LHFPL3: variants seen among roughly 807,000 people sequenced by gnomAD.
The protein encoded by LHFPL3 is LHFPL tetraspan subfamily member 3 protein.
LHFPL3 carries 5 observed loss-of-function variants against 19.3 expected under a neutral mutation model. That is an observed-to-expected ratio of 0.26 (90% CI 0.14 to 0.54). LHFPL3 has a LOEUF of 0.54. Ranked by LOEUF, LHFPL3 falls within the 20% of genes least tolerant of loss-of-function variation. The pLI is 0.94. For synonymous variants in LHFPL3, 133 were observed against 126.2 expected (o/e 1.05, Z -0.36); for missense variants, 249 against 307.4 (o/e 0.81, Z 1.42).
At chr7:104,883,162 G>A (rs1233407161) in intron 2 of LHFPL3, among the ~76,000 whole-genome samples, 3 of 152,194 alleles carry the variant, frequency 2.0e-5, no homozygotes, top group Non-Finnish European at 2.9e-5. Context: ...AACTAAAAGA[G>A]TTTGGAGTTA....
intron 1 of LHFPL3, among the ~76,000 whole-genome samples, chr7:104,693,091 C>A (rs1457550342): frequency 6.6e-6 from 1 of 152,344 alleles, no homozygotes; most frequent in Non-Finnish European, 1.5e-5. Flanking sequence ...TCATTCGGAG[C>A]TTTAAGATTT....
At chr7:104,900,876 C>T (rs866023406) in intron 2 of LHFPL3, among the ~76,000 whole-genome samples, 1 of 152,202 alleles carries the variant, frequency 6.6e-6, no homozygotes, top group African/African-American at 2.4e-5. Flanking sequence ...TCTGACTGAA[C>T]AAAGATCCAA....
chr7:104,504,798 C>G (rs1793665238), intron 1 of LHFPL3, among the ~76,000 whole-genome samples: 2 of 152,152 alleles, frequency 1.3e-5, no homozygotes, highest in African/African-American at 2.4e-5. Flanking sequence ...ACTCAGGTTA[C>G]TATCTCTTTG....
chr7:104,614,661 T>TCTCCTC (rs1276426420), intron 1 of LHFPL3, among the ~76,000 whole-genome samples: 8 of 82,464 alleles, frequency 9.7e-5, no homozygotes, highest in African/African-American at 2.9e-4. Context: ...CTCTCCTTCC[T>TCTCCTC]TCCTTCCTTC....
chr7:104,388,790 G>A (rs558604023), intron 1 of LHFPL3, among the ~76,000 whole-genome samples: 2 of 151,884 alleles, frequency 1.3e-5, no homozygotes, highest in South Asian at 2.1e-4. Flanking sequence ...TACTTTCATA[G>A]ATGCAGGAAT....
At chr7:104,884,796 G>A (rs990539569) in intron 2 of LHFPL3, among the ~76,000 whole-genome samples, 2 of 152,138 alleles carry the variant, frequency 1.3e-5, no homozygotes, top group Non-Finnish European at 2.9e-5. Context: ...AGCTTCAAGG[G>A]GAGACTTTGT....
chr7:104,815,632 T>C (rs1790547915), intron 2 of LHFPL3, among the ~76,000 whole-genome samples: 2 of 152,216 alleles, frequency 1.3e-5, no homozygotes, highest in African/African-American at 4.8e-5. Context: ...GTTCCACCTT[T>C]TTCTCCTCCG....
chr7:104,841,922 GGA>G (rs144706932), intron 2 of LHFPL3, among the ~76,000 whole-genome samples: 2,360 of 152,138 alleles, frequency 0.016, 73 homozygotes, highest in African/African-American at 0.051. Context: ...GAAAGCAAAA[GGA>G]GAGATAAAAG....
intron 2 of LHFPL3, among the ~76,000 whole-genome samples, chr7:104,737,152 CT>C (rs5886330): frequency 0.95 from 143,053 of 150,940 alleles, 67,845 homozygotes; most frequent in East Asian, 0.99. Context: ...TATTTTGATG[CT>C]TTTTTTTTTC....
At chr7:104,490,108 T>C (rs1199994614) in intron 1 of LHFPL3, among the ~76,000 whole-genome samples, 1 of 152,214 alleles carries the variant, frequency 6.6e-6, no homozygotes, top group East Asian at 1.9e-4. Flanking sequence ...TTGCAGTTAA[T>C]TGAAAGCAAT....
intron 1 of LHFPL3, among the ~76,000 whole-genome samples, chr7:104,589,382 G>T (rs113795636): frequency 6.6e-6 from 1 of 152,158 alleles, no homozygotes; most frequent in Non-Finnish European, 1.5e-5. Context: ...TGTGGTTTTT[G>T]TCTTTGGCTC....
chr7:104,398,173 A>G (rs1483386317), intron 1 of LHFPL3, among the ~76,000 whole-genome samples: 1 of 152,034 alleles, frequency 6.6e-6, no homozygotes, highest in African/African-American at 2.4e-5. Context: ...GGCGTCTAGC[A>G]TGAACGGCAG....
At chr7:104,564,361 A>G (rs1190196066) in intron 1 of LHFPL3, among the ~76,000 whole-genome samples, 1 of 152,232 alleles carries the variant, frequency 6.6e-6, no homozygotes, top group East Asian at 1.9e-4. Flanking sequence ...ATTATAAAAT[A>G]TGCCACTAGG....
intron 1 of LHFPL3, among the ~76,000 whole-genome samples, chr7:104,525,501 C>T (rs1344282252): frequency 2.0e-5 from 3 of 152,124 alleles, no homozygotes; most frequent in Non-Finnish European, 4.4e-5. Flanking sequence ...TGAGGTAATT[C>T]ACAAGATTAA....
intron 2 of LHFPL3, among the ~76,000 whole-genome samples, chr7:104,818,949 C>T (rs972574314): frequency 1.3e-5 from 2 of 152,212 alleles, no homozygotes; most frequent in Admixed American, 6.5e-5. Context: ...TTTCTCTCCT[C>T]GTCTGTCTGT....
intron 1 of LHFPL3, among the ~76,000 whole-genome samples, chr7:104,349,948 A>G (rs1176079898): frequency 6.6e-6 from 1 of 152,200 alleles, no homozygotes; most frequent in Non-Finnish European, 1.5e-5. Flanking sequence ...TTTGCCCACG[A>G]TAGTGCCATT....
intron 1 of LHFPL3, among the ~76,000 whole-genome samples, chr7:104,697,756 T>C (rs1385561464): frequency 6.6e-6 from 1 of 152,232 alleles, no homozygotes; most frequent in African/African-American, 2.4e-5. Context: ...ATATTTATTA[T>C]CTTAAGTATA....
At chr7:104,653,009 G>A (rs1219605103) in intron 1 of LHFPL3, among the ~76,000 whole-genome samples, 1 of 151,188 alleles carries the variant, frequency 6.6e-6, no homozygotes, top group African/African-American at 2.4e-5. Flanking sequence ...CAGAGGCTGG[G>A]AGACAGGGCC....
chr7:104,570,281 C>T (rs1376492409), intron 1 of LHFPL3, among the ~76,000 whole-genome samples: 3 of 152,194 alleles, frequency 2.0e-5, no homozygotes, highest in Non-Finnish European at 2.9e-5. Context: ...GCTTACACCC[C>T]TCCTGGTGGC....
Sources: allele counts gnomAD v4.1 joint callset (sites outside exome capture counted in the v4.1 genomes callset), GRCh38; gene constraint gnomAD v4.1.1; transcripts MANE v1.5; gene names NCBI Gene and HGNC (gene_info 2026-07-23, HGNC 2026-07-21).